PCM1: variants seen among roughly 807,000 people sequenced by gnomAD.
The protein encoded by PCM1 is pericentriolar material 1.
A neutral mutation model predicts 241.9 loss-of-function variants in PCM1; 157 were observed. The ratio of observed to expected loss-of-function variants is 0.65; its 90% CI spans 0.57 to 0.74. The LOEUF (loss-of-function observed/expected upper bound fraction) is 0.74. PCM1 is among the 30% of genes least tolerant of loss of function. The pLI is 0.00. For synonymous variants in PCM1, 1,085 were observed against 784.9 expected (o/e 1.38, Z -6.39); for missense variants, 3,478 against 2,360.1 (o/e 1.47, Z -9.81).
Position 17,956,703 on chromosome 8 carries a change from C to T in PCM1, c.1572C>T (p.Asn524=). Residue 524 remains asparagine, a synonymous_variant, in exon 11 of 39, where the codon AAC becomes AAT. Coordinates refer to ENST00000325083, the MANE Select transcript of PCM1 (RefSeq NM_006197.4). ...SDMMTDAVNE[N]RKDEETEESE... is the part of the protein sequence containing the mutation. The stretch of plus-strand genomic sequence containing the variant: ...TGATGACAGATGCTGTGAATGAAAA[C>T]AGGAAAGATGAAGAAACTGAAGAGT... 1.9e-6 allele frequency: 3 copies of T among 1,606,196 alleles called. No homozygotes were observed. Among genetic ancestry groups the T allele is most frequent in the South Asian group, 1.1e-5 (1 of 90,034 alleles).
intron 22 of PCM1, 110 bp downstream of exon 22, chr8:17,969,858 T>C (rs2076255599): frequency 2.5e-6 from 2 of 792,870 alleles, no homozygotes; most frequent in South Asian, 1.9e-5. Context: ...ATGATTTGGC[T>C]TGATGATGTT....
rs2068985169 is a variant in PCM1, at chr8:17,957,248, G to T, written c.1647-16G>T. ...TTTGTGCCTTAAATGACTTCAGGCTGTTTTCTTTCTTCTAGAAATCCACAA... is the reference window on the plus strand; with the variant it reads ...TTTGTGCCTTAAATGACTTCAGGCTTTTTTCTTTCTTCTAGAAATCCACAA... On this transcript the variant is annotated splice_polypyrimidine_tract_variant and intron_variant, in intron 11 of 38. Transcript: ENST00000325083. The T allele has an allele frequency of 6.4e-7, 1 of 1,568,876 alleles. No individual in the cohort carries two copies. The highest frequency in any genetic ancestry group is 2.3e-5 in the East Asian group (1 of 44,162).
At position 18,027,736 on chromosome 8, in the gene PCM1, T is replaced by C; in HGVS notation, c.*74T>C. 2.8e-6 allele frequency: 3 copies of C among 1,057,060 alleles called. No individual in the cohort carries two copies. Among genetic ancestry groups the C allele is most frequent in the Non-Finnish European group, 4.2e-6 (3 of 714,692 alleles). The allele number at this position is 1,057,060 out of a possible 1,614,324, so 65.5% of individuals were successfully genotyped here. On this transcript the variant is annotated 3_prime_UTR_variant, in exon 39 of 39. Coordinates refer to ENST00000325083, the MANE Select transcript of PCM1 (RefSeq NM_006197.4). ...ATATGAAAACAATACTAAATAAACA[T>C]CTGATCTGTATAAAAATGTAAATTA...
At chr8:18,011,168 A>G in intron 32 of PCM1, 69 bp from the exon 33 acceptor site, 5 of 1,047,638 alleles carry the variant, frequency 4.8e-6, no homozygotes, top group Non-Finnish European at 6.7e-6. Flanking sequence ...TATTAATACG[A>G]TAGACTTACT....
chr8:17,925,292 A>G (rs1255470436), intron 2 of PCM1: 6 of 152,250 alleles, frequency 3.9e-5, no homozygotes, highest in African/African-American at 1.4e-4. Context: ...AGCGCATAGT[A>G]CATTGTCACA....
In PCM1 at chr8:18,026,014, A is replaced by C. The variant is rs1366005203; in HGVS notation, c.6049+356A>C. Among the ~76,000 whole-genome samples, 4 of 151,412 alleles carry C rather than the reference A, an allele frequency of 2.6e-5. No individual in the cohort carries two copies. In the South Asian group the frequency reaches 6.2e-4, roughly 24 times the overall value. On this transcript the variant is annotated intron_variant, in intron 38 of 38. Transcript: ENST00000325083. ...CCCGTCTCTACTAAAAATACAAAAA[A>C]TCAGCCAAGCGCGGTGGCGGGCGCC...
At chr8:17,996,611 T>C (rs764383267) in intron 29 of PCM1, among the ~76,000 whole-genome samples, 24 of 152,158 alleles carry the variant, frequency 1.6e-4, no homozygotes, top group Non-Finnish European at 2.9e-4. Flanking sequence ...ATCTTTATTA[T>C]TTCTTCTATT....
chr8:17,985,071 T>A (rs2082164043), intron 24 of PCM1, among the ~76,000 whole-genome samples: 1 of 151,910 alleles, frequency 6.6e-6, no homozygotes, highest in African/African-American at 2.4e-5. Context: ...ATGAAGTCCA[T>A]ATTAGCAAAA....
intron 34 of PCM1, among the ~76,000 whole-genome samples, chr8:18,012,395 A>C (rs1283036750): frequency 6.6e-6 from 1 of 152,124 alleles, no homozygotes; most frequent in African/African-American, 2.4e-5. Context: ...CAAGAGAATT[A>C]ATTATTCTAT....
At chr8:17,987,811 A>G (rs555899876) in intron 26 of PCM1, among the ~76,000 whole-genome samples, 20 of 151,978 alleles carry the variant, frequency 1.3e-4, no homozygotes, top group African/African-American at 4.8e-4. Flanking sequence ...TGCTGTAGCC[A>G]TTAGCTACAT....
intron 29 of PCM1, among the ~76,000 whole-genome samples, chr8:18,004,007 GT>G (rs1402023657): frequency 6.6e-6 from 1 of 151,700 alleles, no homozygotes; most frequent in Admixed American, 6.6e-5. Context: ...AGGTATGCTT[GT>G]AGTAATATTT....
intron 15 of PCM1, 151 bp from the exon 16 acceptor site, chr8:17,961,883 A>T (rs2072383945): frequency 7.0e-6 from 4 of 573,846 alleles, no homozygotes. Flanking sequence ...TTCTTATTTC[A>T]TGTTATCTTC....
chr8:18,025,449 C>T lies in PCM1; in HGVS notation c.5930C>T (p.Ser1977Leu), dbSNP rs377492320. ...EDLPLKLTIY[S>L]EADLRKKMVE... ...TTACCACTGAAACTGACAATATATT[C>T]AGAGGTATTTAGCTGTCTTTAATTA... Residue 1977 changes from serine (S) to leucine (L), a missense_variant, in exon 37 of 39, where the codon TCA (serine) becomes TTA (leucine). Coordinates refer to ENST00000325083, the MANE Select transcript of PCM1 (RefSeq NM_006197.4). 14 of 1,573,856 alleles carry T rather than the reference C, an allele frequency of 8.9e-6. No individual in the cohort carries two copies. The highest frequency in any genetic ancestry group is 1.2e-5 in the Non-Finnish European group (14 of 1,147,716).
chr8:17,997,153 C>T (rs775603530), intron 29 of PCM1, among the ~76,000 whole-genome samples: 1 of 152,172 alleles, frequency 6.6e-6, no homozygotes, highest in African/African-American at 2.4e-5. Context: ...GATATTTTTG[C>T]TGGATGTACT....
chr8:17,989,708 A>G (rs1363867946), intron 26 of PCM1, 151 bp from the exon 27 acceptor site: 1 of 533,928 alleles, frequency 1.9e-6, no homozygotes, highest in East Asian at 3.2e-5. Flanking sequence ...CTTTGGTTAT[A>G]TTATCATCTT....
At chr8:17,928,366 C>A (rs933588333) in intron 2 of PCM1, among the ~76,000 whole-genome samples, 1 of 152,196 alleles carries the variant, frequency 6.6e-6, no homozygotes, top group Non-Finnish European at 1.5e-5. Context: ...GTCTCACCCT[C>A]ACATTTAATG....
rs746573070 is a variant in PCM1, at chr8:17,991,596, G to A, written c.4586G>A (p.Arg1529His). Residue 1529 changes from arginine (R) to histidine (H), a missense_variant, in exon 28 of 39, where the codon CGT (arginine) becomes CAT (histidine). Arg to His is a conservative substitution (Grantham distance 29, BLOSUM62 0). Coordinates refer to ENST00000325083, the MANE Select transcript of PCM1 (RefSeq NM_006197.4). ...TTAGCCAGAATGAGAGAATATGAGCGTATGAAGACTGAGGCTGAAAGTAAC... is the reference window on the plus strand; with the variant it reads ...TTAGCCAGAATGAGAGAATATGAGCATATGAAGACTGAGGCTGAAAGTAAC... ...QALARMREYE[R>H]MKTEAESNSN... is the part of the protein sequence containing the mutation. 1.9e-5 allele frequency: 31 copies of A among 1,597,120 alleles called. No homozygotes were observed. The highest frequency in any genetic ancestry group is 4.5e-5 in the South Asian group (4 of 87,972).
intron 28 of PCM1, among the ~76,000 whole-genome samples, chr8:17,992,253 G>C (rs112787618): frequency 1.5e-3 from 225 of 152,302 alleles, no homozygotes; most frequent in South Asian, 2.7e-3. Context: ...CTTCTGGGCA[G>C]ATACCTAGTA....
Position 17,953,045 on chromosome 8 carries a change from C to G in PCM1, c.1147C>G (p.Pro383Ala). The G allele has an allele frequency of 1.2e-6, 2 of 1,607,406 alleles. No individual in the cohort carries two copies. Among genetic ancestry groups the G allele is most frequent in the Non-Finnish European group, 1.7e-6 (2 of 1,176,554 alleles). Reference protein sequence around the residue: ...LTREVSQSRKPSASERLPDEK... With the variant: ...LTREVSQSRKASASERLPDEK... Reference sequence around the variant, plus strand: ...TAGGGAGGTTTCCCAGAGCAGGAAACCATCAGCTTCAGAACGTTTACCTGA... The same window carrying G: ...TAGGGAGGTTTCCCAGAGCAGGAAAGCATCAGCTTCAGAACGTTTACCTGA... Residue 383 changes from proline (P) to alanine (A), a missense_variant, in exon 9 of 39, where the codon CCA becomes GCA. By Grantham distance (27) the Pro-to-Ala change is conservative. Transcript: ENST00000325083.
Sources: allele counts gnomAD v4.1 joint callset (sites outside exome capture counted in the v4.1 genomes callset), GRCh38; gene constraint gnomAD v4.1.1; transcripts MANE v1.5; gene names NCBI Gene and HGNC (gene_info 2026-07-23, HGNC 2026-07-21).